The following ATRNL1 variants were observed in gnomAD, a reference collection of about 807,000 sequenced individuals.
The protein encoded by ATRNL1 is attractin like 1, also known as attractin-like protein 1.
ATRNL1 carries 95 observed loss-of-function variants against 182.7 expected under a neutral mutation model. That is an observed-to-expected ratio of 0.52 (90% CI 0.44 to 0.62). The LOEUF (loss-of-function observed/expected upper bound fraction) is 0.62. Ranked by LOEUF, ATRNL1 falls within the 20% of genes least tolerant of loss-of-function variation. ATRNL1 has a pLI of 0.00. For synonymous variants in ATRNL1, 576 were observed against 568.3 expected (o/e 1.01, Z -0.19); for missense variants, 1,471 against 1,679.5 (o/e 0.88, Z 2.17).
At chr10:115,878,104 T>C (rs1951739941) in intron 28 of ATRNL1, among the ~76,000 whole-genome samples, 1 of 152,228 alleles carries the variant, frequency 6.6e-6, no homozygotes, top group Non-Finnish European at 1.5e-5. Flanking sequence ...TGTAGGGCTC[T>C]GCAGATCTAG....
At chr10:115,559,700 C>T (rs1239041101) in intron 26 of ATRNL1, among the ~76,000 whole-genome samples, 1 of 152,168 alleles carries the variant, frequency 6.6e-6, no homozygotes, top group African/African-American at 2.4e-5. Context: ...AGTCCAACAA[C>T]CTTTTACCAT....
At chr10:115,528,020 TCC>T in intron 25 of ATRNL1, among the ~76,000 whole-genome samples, 4 of 58,038 alleles carry the variant, frequency 6.9e-5, no homozygotes, top group African/African-American at 3.3e-4. Context: ...CTTCCTTCCT[TCC>T]TTCCCTCCTT....
At chr10:115,306,048 C>G (rs1014125180) in intron 17 of ATRNL1, among the ~76,000 whole-genome samples, 3 of 152,130 alleles carry the variant, frequency 2.0e-5, no homozygotes, top group African/African-American at 7.2e-5. Context: ...TAACAACTTT[C>G]TAAAAATTAT....
chr10:115,436,000 G>A (rs1323227836), intron 21 of ATRNL1, among the ~76,000 whole-genome samples: 2 of 152,096 alleles, frequency 1.3e-5, no homozygotes, highest in African/African-American at 2.4e-5. Flanking sequence ...TTAGCTGTAT[G>A]AGCAAGCATT....
chr10:115,576,702 A>G lies in ATRNL1; in HGVS notation c.3795+27166A>G, dbSNP rs562323399. ...CATTAACTGCCCTTTTCTTTTGTTG[A>G]TTGTTTATTTTGCTATGCGGAAGTA... On this transcript the variant is annotated intron_variant, in intron 26 of 28. Transcript: ENST00000355044. Among the ~76,000 whole-genome samples, 4 of 151,926 alleles carry G rather than the reference A, an allele frequency of 2.6e-5. No individual in the cohort carries two copies. The South Asian group carries it at 6.2e-4, about 24-fold the overall frequency.
chr10:115,501,143 A>G, intron 24 of ATRNL1, among the ~76,000 whole-genome samples: 1 of 151,922 alleles, frequency 6.6e-6, no homozygotes, highest in East Asian at 1.9e-4. Context: ...CATGTTTGCC[A>G]GGCTAGTCTT....
intron 28 of ATRNL1, among the ~76,000 whole-genome samples, chr10:115,897,381 C>T (rs1446246801): frequency 1.3e-5 from 2 of 152,280 alleles, no homozygotes; most frequent in East Asian, 3.9e-4. Flanking sequence ...CTTTATCTAG[C>T]AACCCCTCTT....
rs374845171 is a variant in ATRNL1, at chr10:115,115,756, C to T, written c.294-4429C>T. Among the ~76,000 whole-genome samples, 156 of 152,048 alleles carry T rather than the reference C, an allele frequency of 1.0e-3. 3 individuals carry two copies. In the South Asian group the frequency reaches 0.024, roughly 24 times the overall value. Reference sequence around the variant, plus strand: ...ACAGGATTTATTGTTTCAGAGATTTCGTAAATTAAAACTATCACACTTTCT... The same window carrying T: ...ACAGGATTTATTGTTTCAGAGATTTTGTAAATTAAAACTATCACACTTTCT... On this transcript the variant is annotated intron_variant, in intron 1 of 28. Coordinates refer to ENST00000355044, the MANE Select transcript of ATRNL1 (RefSeq NM_207303.4).
intron 26 of ATRNL1, among the ~76,000 whole-genome samples, chr10:115,590,411 G>T (rs1263807731): frequency 2.0e-5 from 3 of 151,926 alleles, no homozygotes; most frequent in African/African-American, 7.2e-5. Context: ...GTTTCCTTTG[G>T]TACATATTTA....
intron 19 of ATRNL1, among the ~76,000 whole-genome samples, chr10:115,386,199 A>G (rs1554952591): frequency 6.6e-6 from 1 of 152,166 alleles, no homozygotes; most frequent in Non-Finnish European, 1.5e-5. Flanking sequence ...TGGCATATCT[A>G]TTTATTTAGA....
intron 27 of ATRNL1, among the ~76,000 whole-genome samples, chr10:115,828,633 C>T (rs1555092692): frequency 1.3e-5 from 2 of 152,142 alleles, no homozygotes; most frequent in East Asian, 1.9e-4. Context: ...TAATGTTTTA[C>T]ATTCAGTATT....
chr10:115,144,602 T>C (rs1244334734), intron 5 of ATRNL1, among the ~76,000 whole-genome samples: 2 of 152,224 alleles, frequency 1.3e-5, no homozygotes, highest in Non-Finnish European at 2.9e-5. Flanking sequence ...CCATGAAAAT[T>C]CTTAGCATGA....
At chr10:115,581,402 A>G (rs1052491993) in intron 26 of ATRNL1, among the ~76,000 whole-genome samples, 12 of 152,122 alleles carry the variant, frequency 7.9e-5, no homozygotes, top group African/African-American at 1.2e-4. Context: ...CTCTTACTCA[A>G]TCTGCACTAA....
At chr10:115,222,372 G>A (rs988541352) in intron 9 of ATRNL1, among the ~76,000 whole-genome samples, 1 of 152,124 alleles carries the variant, frequency 6.6e-6, no homozygotes, top group Admixed American at 6.6e-5. Flanking sequence ...AAAGAGAAGA[G>A]TGAAGACAAA....
chr10:115,279,583 A>C (rs1852265319), intron 13 of ATRNL1, among the ~76,000 whole-genome samples: 1 of 152,318 alleles, frequency 6.6e-6, no homozygotes, highest in African/African-American at 2.4e-5. Context: ...TTGATGGGCA[A>C]CTGTAGCCAA....
intron 26 of ATRNL1, among the ~76,000 whole-genome samples, chr10:115,651,750 A>G (rs1273763610): frequency 6.6e-6 from 1 of 152,180 alleles, no homozygotes; most frequent in Non-Finnish European, 1.5e-5. Flanking sequence ...GATTAATAAG[A>G]AGATGCAATG....
intron 1 of ATRNL1, among the ~76,000 whole-genome samples, chr10:115,109,625 A>G (rs1018940111): frequency 4.6e-5 from 7 of 152,104 alleles, no homozygotes; most frequent in Admixed American, 4.6e-4. Context: ...TTTTGGAGGG[A>G]CACATTCAAA....
chr10:115,305,326 G>A (rs1308948325), intron 17 of ATRNL1, among the ~76,000 whole-genome samples: 5 of 152,174 alleles, frequency 3.3e-5, no homozygotes, highest in African/African-American at 1.2e-4. Context: ...AGCTGCAGCT[G>A]TTGTGTTCAT....
At chr10:115,929,961 T>C in intron 28 of ATRNL1, among the ~76,000 whole-genome samples, 1 of 152,128 alleles carries the variant, frequency 6.6e-6, no homozygotes, top group East Asian at 1.9e-4. Context: ...CATTTGAAAT[T>C]TGATGGTGCA....
Sources: gnomAD v4.1 joint callset for allele counts (sites outside exome capture counted in the v4.1 genomes callset) on GRCh38, gnomAD v4.1.1 for gene constraint, MANE v1.5 for transcripts, NCBI Gene and HGNC (gene_info 2026-07-23, HGNC 2026-07-21) for gene names.